The following ZNF79 variants were observed in gnomAD, a reference collection of about 807,000 sequenced individuals.
ZNF79 encodes ZNFpT7.
Under a neutral mutation model 14.9 loss-of-function variants are expected in ZNF79, and 13 were observed. The ratio of observed to expected loss-of-function variants is 0.87; its 90% confidence interval spans 0.57 to 1.38. The LOEUF is 1.38. Ranked by LOEUF, ZNF79 falls within the 40% of genes most tolerant of loss-of-function variation. ZNF79 has a pLI of 0.00. For synonymous variants in ZNF79, 223 were observed against 235.1 expected (o/e 0.95, Z 0.47); for missense variants, 631 against 630.6 (o/e 1.00, Z -0.01).
chr9:127,430,276 C>T (rs1833836779), intron 2 of ZNF79, among the ~76,000 whole-genome samples: 1 of 152,014 alleles, frequency 6.6e-6, no homozygotes. Flanking sequence ...TTTCACCTTA[C>T]TATTTTAGAT....
chr9:127,439,223 T>C (rs1245850854), intron 4 of ZNF79, among the ~76,000 whole-genome samples: 4 of 151,466 alleles, frequency 2.6e-5, no homozygotes, highest in African/African-American at 9.7e-5. Context: ...CACACACACA[T>C]ATACACGTAT....
chr9:127,428,518 T>A, intron 1 of ZNF79: 1 of 267,380 alleles, frequency 3.7e-6, no homozygotes. Flanking sequence ...CAGCAGATTA[T>A]CCCTTACAAG....
At chr9:127,435,023 C>T (rs1161451002) in intron 2 of ZNF79, 67 bp from the exon 3 acceptor site, 11 of 1,502,428 alleles carry the variant, frequency 7.3e-6, no homozygotes, top group East Asian at 2.4e-5. Flanking sequence ...AAACTGCCAA[C>T]GTTAACCACC....
chr9:127,427,801 G>A (rs1466653311), intron 1 of ZNF79, among the ~76,000 whole-genome samples: 5 of 151,898 alleles, frequency 3.3e-5, no homozygotes, highest in African/African-American at 1.2e-4. Context: ...GATGTGAGTC[G>A]TTTTCACTCA....
chr9:127,433,987 G>A (rs1833903096), intron 2 of ZNF79, among the ~76,000 whole-genome samples: 1 of 152,152 alleles, frequency 6.6e-6, no homozygotes, highest in Non-Finnish European at 1.5e-5. Context: ...CCTTCCAGCG[G>A]CTCCCTGTTG....
Position 127,424,589 on chromosome 9 carries a change from A to G in ZNF79, c.-199A>G. On this transcript the variant is annotated 5_prime_UTR_variant, in exon 1 of 5. Coordinates refer to ENST00000342483, the MANE Select transcript of ZNF79 (RefSeq NM_007135.3). ...TGTGACTCGGGAGACGGAGTGGAAC[A>G]CCCGGCTGGGCAGGCCCGGACAGCT... The G allele has an allele frequency of 1.6e-6, 1 of 624,044 alleles. No individual in the cohort carries two copies. Among genetic ancestry groups the G allele is most frequent in the Non-Finnish European group, 2.7e-6 (1 of 367,856 alleles). The allele number at this position is 624,044 out of a possible 1,614,324, so 38.7% of individuals were successfully genotyped here. A position where few individuals can be genotyped will look rare whatever the true frequency, so the allele number is the denominator to read the frequency against.
chr9:127,429,471 CCACCATGCCTAGCTAATTT>C (rs1233908279), intron 2 of ZNF79, among the ~76,000 whole-genome samples: 2 of 147,764 alleles, frequency 1.4e-5, no homozygotes, highest in African/African-American at 5.0e-5. Context: ...CAGGCTCGTG[CCACCATGCCTAGCTAATTT>C]TTTTTTTTTT....
At chr9:127,436,181 T>C (rs1028077072) in intron 4 of ZNF79, among the ~76,000 whole-genome samples, 178 bp downstream of exon 4, 1 of 152,234 alleles carries the variant, frequency 6.6e-6, no homozygotes, top group African/African-American at 2.4e-5. Context: ...CACAGCTAGA[T>C]AGTGGCAAGG....
chr9:127,443,790 A>G (rs558161432), intron 4 of ZNF79, among the ~76,000 whole-genome samples: 1 of 151,222 alleles, frequency 6.6e-6, no homozygotes, highest in South Asian at 2.1e-4. Flanking sequence ...AGTCCCAGCT[A>G]CTCGGGAGGC....
At chr9:127,433,225 G>A (rs902386179) in intron 2 of ZNF79, among the ~76,000 whole-genome samples, 1 of 152,222 alleles carries the variant, frequency 6.6e-6, no homozygotes, top group Non-Finnish European at 1.5e-5. Context: ...TTGCAAAGCA[G>A]TGGTAGGGGA....
At chr9:127,430,996 C>T (rs987639097) in intron 2 of ZNF79, among the ~76,000 whole-genome samples, 2 of 152,126 alleles carry the variant, frequency 1.3e-5, no homozygotes, top group East Asian at 3.9e-4. Context: ...GAGAATATCT[C>T]GTCATGGTTT....
At position 127,424,816 on chromosome 9, in the gene ZNF79, A is replaced by G. The variant is rs114128350; in HGVS notation, c.16+13A>G. The stretch of plus-strand genomic sequence containing the variant: ...CTGGAGGAAGGAGGTGAGGAGTGGT[A>G]GAGGGAGCGATTGTCAAGAGATCGG... On this transcript the variant is annotated intron_variant, in intron 1 of 4. Transcript: ENST00000342483. 2,953 of 1,613,852 alleles carry G rather than the reference A, an allele frequency of 1.8e-3. 50 individuals carry two copies. In the African/African-American group the frequency reaches 0.034, roughly 19 times the overall value.
At chr9:127,430,265 A>G (rs1413832024) in intron 2 of ZNF79, among the ~76,000 whole-genome samples, 2 of 152,116 alleles carry the variant, frequency 1.3e-5, no homozygotes, top group African/African-American at 4.8e-5. Context: ...TTCTTAAATA[A>G]TTTCACCTTA....
intron 3 of ZNF79, 60 bp downstream of exon 3, chr9:127,435,276 G>A: frequency 1.3e-6 from 2 of 1,524,648 alleles, no homozygotes; most frequent in Non-Finnish European, 1.8e-6. Flanking sequence ...TGTGGCACTT[G>A]CTTTCCAGCA....
chr9:127,427,542 C>CTTTTTTT (rs71378001), intron 1 of ZNF79, among the ~76,000 whole-genome samples: 2 of 132,560 alleles, frequency 1.5e-5, no homozygotes, highest in East Asian at 2.2e-4. Context: ...TAACTAAATT[C>CTTTTTTT]TTTTTTTTTT....
intron 4 of ZNF79, 116 bp from the exon 5 acceptor site, chr9:127,443,900 CAAAAAAAAAAAAA>C (rs34006666): frequency 2.3e-5 from 8 of 350,830 alleles, no homozygotes; most frequent in South Asian, 9.2e-5. Context: ...GACTCCGTCT[CAAAAAAAAAAAAA>C]AAAAAAAAAG....
At position 127,435,165 on chromosome 9, in the gene ZNF79, G is replaced by A; in HGVS notation, c.181G>A (p.Asp61Asn). 1 of 1,613,418 alleles carries A rather than the reference G, an allele frequency of 6.2e-7. No individual in the cohort carries two copies. The highest frequency in any genetic ancestry group is 8.5e-7 in the Non-Finnish European group (1 of 1,179,658). Residue 61 changes from aspartate to asparagine, a missense_variant, in exon 3 of 5, where the codon GAC becomes AAC. Physicochemically the swap from Asp to Asn is conservative, Grantham distance 23. Coordinates refer to ENST00000342483, the MANE Select transcript of ZNF79 (RefSeq NM_007135.3). ...GAGGTGCCTCGTGTCTACTCCACGG[G>A]ACAGGTTCAAGGAGGGGATACCAGG... is the stretch of plus-strand genomic sequence containing the variant. ...RWRCLVSTPR[D>N]RFKEGIPGKS...
intron 4 of ZNF79, 132 bp downstream of exon 4, chr9:127,436,135 G>A: frequency 1.4e-6 from 1 of 730,356 alleles, no homozygotes; most frequent in Non-Finnish European, 2.3e-6. Context: ...ATGAGGAAAT[G>A]GAGCTGAGAA....
Position 127,424,681 on chromosome 9 carries a change from G to A in ZNF79, c.-107G>A, listed in dbSNP as rs1028824597. ...GGAGAGGCTGGAGAGGAAGAGTCCG[G>A]CCTGGGAGCCGTCAGAGCAGCCCTG... On this transcript the variant is annotated 5_prime_UTR_variant, in exon 1 of 5. Transcript: ENST00000342483. 1.2e-4 allele frequency: 184 copies of A among 1,557,426 alleles called. No individual in the cohort carries two copies. Among genetic ancestry groups the A allele is most frequent in the Middle Eastern group, 8.8e-4 (4 of 4,524 alleles).
Sources: allele counts gnomAD v4.1 joint callset (sites outside exome capture counted in the v4.1 genomes callset), GRCh38; gene constraint gnomAD v4.1.1; transcripts MANE v1.5; gene names NCBI Gene and HGNC (gene_info 2026-07-23, HGNC 2026-07-21).